OPRK1: variants seen among roughly 807,000 people sequenced by gnomAD.
OPRK1 encodes the protein kappa-type opioid receptor.
In OPRK1, 15 loss-of-function variants were observed where a neutral mutation model predicts 24.5. The observed-to-expected ratio is 0.61, with a 90% CI of 0.41 to 0.94. The LOEUF (loss-of-function observed/expected upper bound fraction) is 0.94, where lower values mean the gene tolerates loss of function less well. OPRK1 is among the 40% of genes least tolerant of loss of function. The pLI is 0.00. For missense variants in OPRK1, 479 were observed against 507.3 expected, an observed-to-expected ratio of 0.94 and a Z score of 0.54; for synonymous variants, 205 against 198.0, an observed-to-expected ratio of 1.04 and a Z score of -0.30.
rs1806791011 is a variant in OPRK1 at position 53,229,266 on chromosome 8, A to C, written c.*31T>G. On this transcript the variant is annotated 3_prime_UTR_variant, in exon 4 of 4. Coordinates refer to ENST00000265572, the MANE Select transcript of OPRK1 (RefSeq NM_000912.5). ...AGATCATTGAACTCCTCTCTTCCCG[A>C]AGAACTGTACGAAGACATCTCCACG... The C allele has an allele frequency of 6.3e-7, 1 of 1,587,950 alleles. No homozygotes were observed. Among genetic ancestry groups the C allele is most frequent in the Non-Finnish European group, 8.6e-7 (1 of 1,165,226 alleles).
At chr8:53,237,213 T>A (rs1807016196) in intron 2 of OPRK1, among the ~76,000 whole-genome samples, 1 of 152,156 alleles carries the variant, frequency 6.6e-6, no homozygotes, top group Non-Finnish European at 1.5e-5. Context: ...CATGGTCATA[T>A]TTACCCAGTT....
intron 2 of OPRK1, among the ~76,000 whole-genome samples, chr8:53,247,990 C>CAA (rs767911838): frequency 0.056 from 1,800 of 32,366 alleles, 240 homozygotes; most frequent in Non-Finnish European, 0.068. Flanking sequence ...GATTCTGTCT[C>CAA]AAAAAAAAAA....
At position 53,229,467 on chromosome 8, in the gene OPRK1, G is replaced by A. The variant is rs147012664; in HGVS notation, c.973C>T (p.Leu325=). The A allele has an allele frequency of 6.3e-5, 101 of 1,614,104 alleles. 1 individual carries two copies. The African/African-American group carries it at 1.2e-3, about 19-fold the overall frequency. Residue 325 remains leucine (L), a synonymous_variant, in exon 4 of 4, where the codon CTG becomes TTG. Coordinates refer to ENST00000265572, the MANE Select transcript of OPRK1 (RefSeq NM_000912.5). ...AGAAAGGCGTAGAGAATGGGATTCAGGCTACTGTTGGTATAGCCTAAGGCG... is the reference window on the plus strand; with the variant it reads ...AGAAAGGCGTAGAGAATGGGATTCAAGCTACTGTTGGTATAGCCTAAGGCG... ...CIALGYTNSS[L]NPILYAFLDE...
intron 3 of OPRK1, among the ~76,000 whole-genome samples, chr8:53,230,428 G>A (rs1274378888): frequency 1.2e-4 from 19 of 152,084 alleles, no homozygotes; most frequent in Admixed American, 1.2e-3. Context: ...TTGTGATTAA[G>A]GGCATTACTG....
rs200696593 is a variant in OPRK1, at chr8:53,228,711, T to G, written c.*586A>C. The G allele has an allele frequency of 1.3e-5, 2 of 152,212 alleles. No individual in the cohort carries two copies. Among genetic ancestry groups the G allele is most frequent in the Non-Finnish European group, 2.9e-5 (2 of 68,058 alleles). The allele number at this position is 152,212 out of a possible 1,614,324, so 9.4% of individuals were successfully genotyped here. A position where few individuals can be genotyped will look rare whatever the true frequency, so the allele number is the denominator to read the frequency against. On this transcript the variant is annotated 3_prime_UTR_variant, in exon 4 of 4. Coordinates refer to ENST00000265572, the MANE Select transcript of OPRK1 (RefSeq NM_000912.5). The stretch of plus-strand genomic sequence containing the variant: ...TAATTTCATAAATAGCAAGATAATG[T>G]TCTGGTATAAGTGAACATCAGATTC...
rs202061650 is a variant in OPRK1 at position 53,226,426 on chromosome 8, C to A, written c.*2871G>T. On this transcript the variant is annotated 3_prime_UTR_variant, in exon 4 of 4. Transcript: ENST00000265572. Reference sequence around the variant, plus strand: ...CCTCGTTAGGACCTGTCTTCCAGACCTTCTTACCAGGGTGGAAAGAATAGG... The same window carrying A: ...CCTCGTTAGGACCTGTCTTCCAGACATTCTTACCAGGGTGGAAAGAATAGG... The A allele has an allele frequency of 3.3e-5, 5 of 152,204 alleles. No individual in the cohort carries two copies. Among genetic ancestry groups the A allele is most frequent in the African/African-American group, 1.2e-4 (5 of 41,436 alleles). 9.4% of individuals were successfully genotyped at this position (152,204 alleles called of 1,614,324 possible). A position where few individuals can be genotyped will look rare whatever the true frequency, so the allele number is the denominator to read the frequency against.
At chr8:53,244,910 C>T (rs368974520) in intron 2 of OPRK1, among the ~76,000 whole-genome samples, 31 of 152,174 alleles carry the variant, frequency 2.0e-4, no homozygotes, top group East Asian at 1.2e-3. Context: ...AGGATGCCCC[C>T]GTCAGATCCA....
chr8:53,236,490 G>A (rs185466107), intron 2 of OPRK1, among the ~76,000 whole-genome samples: 1 of 152,162 alleles, frequency 6.6e-6, no homozygotes, highest in Admixed American at 6.5e-5. Flanking sequence ...TGGATGTTCT[G>A]CTTACTAAAG....
rs201496681 is a variant in OPRK1 at position 53,229,753 on chromosome 8, G to A, written c.687C>T (p.Cys229=). The change falls in exon 4 of 4, where the codon TGC becomes TGT. Residue 229 remains cysteine (C), a synonymous_variant. Transcript: ENST00000265572. ...GGATCACGAAGGCAAAGATGAAGAC[G>A]CAGATCTTCATGAAGAGGTCCCACC... is the stretch of plus-strand genomic sequence containing the variant. ...YSWWDLFMKI[C]VFIFAFVIPV... 2.0e-5 allele frequency: 33 copies of A among 1,613,440 alleles called. No individual in the cohort carries two copies. The highest frequency in any genetic ancestry group is 1.7e-4 in the Middle Eastern group (1 of 6,054).
chr8:53,243,880 T>C (rs7844117), intron 2 of OPRK1, among the ~76,000 whole-genome samples: 15,189 of 152,116 alleles, frequency 0.1, 829 homozygotes, highest in South Asian at 0.18. Context: ...GAGCAGCCAT[T>C]GGTGAATTAT....
chr8:53,247,247 A>G (rs1807252731), intron 2 of OPRK1, among the ~76,000 whole-genome samples: 1 of 152,198 alleles, frequency 6.6e-6, no homozygotes, highest in African/African-American at 2.4e-5. Context: ...AAATGTTTGC[A>G]GGAGTGGTAT....
In OPRK1 at chr8:53,246,138, G is replaced by A. The variant is rs141443289; in HGVS notation, c.257+4643C>T. Among the ~76,000 whole-genome samples the A allele has an allele frequency of 7.3e-4, 111 of 152,314 alleles. 2 individuals carry two copies. Among genetic ancestry groups the A allele is most frequent in the African/African-American group, 2.4e-3 (100 of 41,560 alleles). On this transcript the variant is annotated intron_variant, in intron 2 of 3. Transcript: ENST00000265572. The stretch of plus-strand genomic sequence containing the variant: ...GAGCATTTAGGAAACCTCAGAGGAA[G>A]GGCAATCTGTGCAGGGGAGCAAGGA...
At chr8:53,238,672 A>C (rs1807050553) in intron 2 of OPRK1, 2 of 984,856 alleles carry the variant, frequency 2.0e-6, no homozygotes, top group South Asian at 9.4e-5. Context: ...GTTGGCTTCA[A>C]AATTGGCAGA....
intron 2 of OPRK1, chr8:53,242,765 C>G: frequency 1.7e-6 from 2 of 1,150,112 alleles, no homozygotes; most frequent in Non-Finnish European, 2.2e-6. Context: ...CTCGGCCTCC[C>G]AAAGTGCTGG....
chr8:53,235,410 C>A (rs1009058752), intron 2 of OPRK1, among the ~76,000 whole-genome samples: 24 of 152,138 alleles, frequency 1.6e-4, no homozygotes, highest in African/African-American at 5.8e-4. Context: ...TAATACAGAT[C>A]TTTATTTTGT....
chr8:53,244,668 CT>C (rs1224633928), intron 2 of OPRK1, among the ~76,000 whole-genome samples: 1 of 152,142 alleles, frequency 6.6e-6, no homozygotes, highest in Non-Finnish European at 1.5e-5. Flanking sequence ...ACAAAATTTC[CT>C]TGTTTATCCT....
intron 2 of OPRK1, among the ~76,000 whole-genome samples, chr8:53,249,112 A>G (rs1417943225): frequency 1.3e-5 from 2 of 152,202 alleles, no homozygotes; most frequent in African/African-American, 4.8e-5. Context: ...CTAGTCTGCA[A>G]AAGGTTGTAG....
intron 2 of OPRK1, among the ~76,000 whole-genome samples, chr8:53,240,920 TG>T (rs1351872216): frequency 6.6e-6 from 1 of 152,206 alleles, no homozygotes; most frequent in Non-Finnish European, 1.5e-5. Context: ...CACAAATTAA[TG>T]TATATCAAAT....
At chr8:53,232,846 T>C (rs1467173509) in intron 3 of OPRK1, among the ~76,000 whole-genome samples, 2 of 152,206 alleles carry the variant, frequency 1.3e-5, no homozygotes, top group Admixed American at 1.3e-4. Context: ...AATTCTTAGC[T>C]ACTATAAAAA....
Sources: allele counts gnomAD v4.1 joint callset (sites outside exome capture counted in the v4.1 genomes callset), GRCh38; gene constraint gnomAD v4.1.1; transcripts MANE v1.5; gene names NCBI Gene and HGNC (gene_info 2026-07-23, HGNC 2026-07-21).